MACROD2: variants seen among roughly 807,000 people sequenced by gnomAD.
The protein encoded by MACROD2 is ADP-ribose glycohydrolase MACROD2.
MACROD2 carries 36 observed loss-of-function variants against 70.4 expected under a neutral mutation model. The observed-to-expected ratio is 0.51, with a 90% CI of 0.39 to 0.68. The LOEUF (loss-of-function observed/expected upper bound fraction) is 0.68. Among genes scored for constraint, MACROD2 ranks in the 30% least tolerant of loss-of-function variants. The probability of loss-of-function intolerance (pLI) is 0.00; values close to 1 mark genes in which losing one functional copy is unlikely to be tolerated. For synonymous variants in MACROD2, 172 were observed against 178.8 expected (o/e 0.96, Z 0.30); for missense variants, 496 against 538.4 (o/e 0.92, Z 0.78).
In MACROD2 at chr20:15,439,738, C is replaced by A. The variant is rs150691340; in HGVS notation, c.571+8303C>A. Among the ~76,000 whole-genome samples, 67 of 152,342 alleles carry A rather than the reference C, an allele frequency of 4.4e-4. 1 individual carries two copies. Among genetic ancestry groups the A allele is most frequent in the African/African-American group, 1.5e-3 (64 of 41,588 alleles). ...TTTCCACTCTGACATTCAGTGAGCACTGTTGCTACTCCAACGTGACGTTTC... is the reference window on the plus strand; with the variant it reads ...TTTCCACTCTGACATTCAGTGAGCAATGTTGCTACTCCAACGTGACGTTTC... On this transcript the variant is annotated intron_variant, in intron 7 of 17. Coordinates refer to ENST00000684519, the MANE Select transcript of MACROD2 (RefSeq NM_001351661.2).
At chr20:15,514,344 C>T (rs192173853) in intron 8 of MACROD2, among the ~76,000 whole-genome samples, 68 of 152,148 alleles carry the variant, frequency 4.5e-4, no homozygotes, top group Non-Finnish European at 2.8e-4. Context: ...TGGTGGATGC[C>T]GTATGTAGGT....
chr20:15,226,191 A>T (rs564840924), intron 5 of MACROD2, among the ~76,000 whole-genome samples: 1 of 152,298 alleles, frequency 6.6e-6, no homozygotes, highest in East Asian at 1.9e-4. Context: ...GAGGAGAGTG[A>T]CTTGCAGAAG....
At chr20:14,042,304 G>A (rs910052338) in intron 2 of MACROD2, among the ~76,000 whole-genome samples, 2 of 152,120 alleles carry the variant, frequency 1.3e-5, no homozygotes, top group Non-Finnish European at 1.5e-5. Flanking sequence ...TTAGGAGAGA[G>A]ATCTTTGGGC....
chr20:15,902,243 C>T (rs1286876555), intron 10 of MACROD2, among the ~76,000 whole-genome samples: 1 of 152,086 alleles, frequency 6.6e-6, no homozygotes, highest in African/African-American at 2.4e-5. Flanking sequence ...TAATGCCTAC[C>T]ATTTGACGGT....
At chr20:15,725,651 T>A (rs1458202666) in intron 8 of MACROD2, among the ~76,000 whole-genome samples, 2 of 152,168 alleles carry the variant, frequency 1.3e-5, no homozygotes, top group African/African-American at 2.4e-5. Context: ...TATTCTTGTC[T>A]CATTCCTAAT....
chr20:15,716,099 C>T (rs1417790583), intron 8 of MACROD2, among the ~76,000 whole-genome samples: 1 of 152,110 alleles, frequency 6.6e-6, no homozygotes, highest in Admixed American at 6.5e-5. Flanking sequence ...ACAGATACTG[C>T]AAGAGAAGGT....
chr20:15,116,052 A>AT, intron 5 of MACROD2, among the ~76,000 whole-genome samples: 1 of 152,322 alleles, frequency 6.6e-6, no homozygotes, highest in South Asian at 2.1e-4. Flanking sequence ...TAGAATTAAA[A>AT]TTTTTTGACT....
At chr20:15,843,746 T>A (rs1477800668) in intron 8 of MACROD2, among the ~76,000 whole-genome samples, 1 of 152,172 alleles carries the variant, frequency 6.6e-6, no homozygotes, top group Non-Finnish European at 1.5e-5. Context: ...GAGCATTATG[T>A]GCATGATCAG....
chr20:14,618,644 T>C (rs1213550233), intron 4 of MACROD2, among the ~76,000 whole-genome samples: 1 of 152,138 alleles, frequency 6.6e-6, no homozygotes, highest in Non-Finnish European at 1.5e-5. Flanking sequence ...GGTGGAATCA[T>C]GGGGTTTCAG....
chr20:15,988,694 C>T (rs1568689953), intron 15 of MACROD2, among the ~76,000 whole-genome samples: 1 of 152,120 alleles, frequency 6.6e-6, no homozygotes. Context: ...AATTCTGCTA[C>T]TTGCTTTTAG....
At position 14,424,365 on chromosome 20, in the gene MACROD2, C is replaced by G. The variant is rs940135260; in HGVS notation, c.272-69114C>G. ...GGTTATTAGCAAGAAGTGGCATTTCCAAAAGTTTCAGCACTGATACCACTA... is the reference window on the plus strand; with the variant it reads ...GGTTATTAGCAAGAAGTGGCATTTCGAAAAGTTTCAGCACTGATACCACTA... On this transcript the variant is annotated intron_variant, in intron 3 of 17. Coordinates refer to ENST00000684519, the MANE Select transcript of MACROD2 (RefSeq NM_001351661.2). 1.2e-4 allele frequency among the ~76,000 whole-genome samples: 18 copies of G among 152,086 alleles called. No individual in the cohort carries two copies. The East Asian group carries it at 2.7e-3, about 23-fold the overall frequency.
intron 6 of MACROD2, among the ~76,000 whole-genome samples, chr20:15,405,131 A>G (rs1361132326): frequency 6.6e-6 from 1 of 151,648 alleles, no homozygotes; most frequent in African/African-American, 2.4e-5. Flanking sequence ...GGATAAGGGC[A>G]GGGGGTAATG....
At chr20:14,981,195 T>C (rs1216910806) in intron 5 of MACROD2, among the ~76,000 whole-genome samples, 1 of 152,130 alleles carries the variant, frequency 6.6e-6, no homozygotes. Context: ...GCTAGTATAT[T>C]CAGCTAACTC....
At chr20:14,171,135 G>A (rs1340770928) in intron 3 of MACROD2, among the ~76,000 whole-genome samples, 1 of 152,096 alleles carries the variant, frequency 6.6e-6, no homozygotes, top group East Asian at 1.9e-4. Flanking sequence ...GCACATAAAG[G>A]TGTTCATAGT....
At chr20:15,020,966 G>A (rs957017201) in intron 5 of MACROD2, among the ~76,000 whole-genome samples, 2 of 146,056 alleles carry the variant, frequency 1.4e-5, no homozygotes, top group Non-Finnish European at 3.0e-5. Flanking sequence ...TATGTAATGT[G>A]TGTATACATA....
chr20:14,931,267 T>C (rs2074293539), intron 5 of MACROD2, among the ~76,000 whole-genome samples: 1 of 152,066 alleles, frequency 6.6e-6, no homozygotes, highest in African/African-American at 2.4e-5. Flanking sequence ...ATACAGAGCA[T>C]TCTCGGAATG....
rs540213342 is a variant in MACROD2, at chr20:14,771,148, G to A, written c.418+86189G>A. Among the ~76,000 whole-genome samples, 26 of 152,146 alleles carry A rather than the reference G, an allele frequency of 1.7e-4. No individual in the cohort carries two copies. In the South Asian group the frequency reaches 5.0e-3, roughly 29 times the overall value. On this transcript the variant is annotated intron_variant, in intron 5 of 17. Coordinates refer to ENST00000684519, the MANE Select transcript of MACROD2 (RefSeq NM_001351661.2). Reference sequence around the variant, plus strand: ...AAGGGAGAATTCACTCTTTCTGCCTGATGGCTTGAGCTGGAACATCAGTCT... The same window carrying A: ...AAGGGAGAATTCACTCTTTCTGCCTAATGGCTTGAGCTGGAACATCAGTCT...
intron 4 of MACROD2, among the ~76,000 whole-genome samples, chr20:14,568,804 G>A (rs948030270): frequency 6.6e-6 from 1 of 151,836 alleles, no homozygotes; most frequent in South Asian, 2.1e-4. Context: ...TTTTCTACGT[G>A]AGCGACTTTT....
intron 7 of MACROD2, among the ~76,000 whole-genome samples, chr20:15,453,929 T>C (rs967097676): frequency 9.9e-5 from 15 of 152,154 alleles, no homozygotes; most frequent in Non-Finnish European, 1.6e-4. Context: ...AGATTTGTGC[T>C]GGAGTGTGGA....
Sources: gnomAD v4.1 joint callset for allele counts (sites outside exome capture counted in the v4.1 genomes callset) on GRCh38, gnomAD v4.1.1 for gene constraint, MANE v1.5 for transcripts, NCBI Gene and HGNC (gene_info 2026-07-23, HGNC 2026-07-21) for gene names.